The following CEP85L variants were observed in gnomAD, a reference collection of about 807,000 sequenced individuals.
The protein encoded by CEP85L is centrosomal protein of 85 kDa-like.
A neutral mutation model predicts 100.3 loss-of-function variants in CEP85L; 60 were observed. The ratio of observed to expected loss-of-function variants is 0.60; its 90% CI spans 0.49 to 0.74. The LOEUF is 0.74. CEP85L is among the 30% of genes least tolerant of loss of function. The probability of loss-of-function intolerance (pLI) is 0.00; values close to 1 mark genes in which losing one functional copy is unlikely to be tolerated. For synonymous variants in CEP85L, 319 were observed against 322.7 expected, an observed-to-expected ratio of 0.99 and a Z score of 0.12; for missense variants, 973 against 936.2, an observed-to-expected ratio of 1.04 and a Z score of -0.51.
chr6:118,533,892 C>G (rs1777435098), intron 3 of CEP85L, among the ~76,000 whole-genome samples: 1 of 152,048 alleles, frequency 6.6e-6, no homozygotes, highest in South Asian at 2.1e-4. Context: ...GCCAGCAGTT[C>G]AAGACCAACC....
Position 118,465,435 on chromosome 6 carries a change from C to T in CEP85L, c.2388G>A (p.Gln796=). 1 of 1,613,430 alleles carries T rather than the reference C, an allele frequency of 6.2e-7. No individual in the cohort carries two copies. The highest frequency in any genetic ancestry group is 1.1e-5 in the South Asian group (1 of 91,054). The change falls in exon 13 of 13, where the codon CAG becomes CAA. Residue 796 remains glutamine (Q), a synonymous_variant. Coordinates refer to ENST00000368491, the MANE Select transcript of CEP85L (RefSeq NM_001042475.3). ...LRTTISDRYA[Q]DMGDNCITQ is the part of the protein sequence containing the mutation. ...GAGTAATGCAGTTGTCTCCCATGTC[C>T]TGAGCATAGCGGTCTGATATTGTAG...
chr6:118,677,535 C>T (rs1364986286), intron 1 of CEP85L, among the ~76,000 whole-genome samples: 1 of 152,086 alleles, frequency 6.6e-6, no homozygotes, highest in East Asian at 1.9e-4. Flanking sequence ...CTGATGATTC[C>T]CAACCCTATA....
intron 3 of CEP85L, among the ~76,000 whole-genome samples, chr6:118,550,861 C>A (rs1267666303): frequency 6.6e-6 from 1 of 151,856 alleles, no homozygotes; most frequent in Non-Finnish European, 1.5e-5. Context: ...CATAGCATTA[C>A]ATTCTTAATA....
At chr6:118,597,889 G>A (rs1415843039) in intron 2 of CEP85L, among the ~76,000 whole-genome samples, 1 of 152,204 alleles carries the variant, frequency 6.6e-6, no homozygotes, top group Non-Finnish European at 1.5e-5. Flanking sequence ...CAGCCAAACT[G>A]AGGAAGGCTA....
chr6:118,565,555 G>C lies in CEP85L; in HGVS notation c.994C>G (p.Arg332Gly), dbSNP rs752545315. Residue 332 changes from arginine to glycine, a missense_variant, in exon 3 of 13, where the codon CGA (arginine) becomes GGA (glycine). By Grantham distance (125) the Arg-to-Gly change is moderately radical. Transcript: ENST00000368491. ...TGCATTGGTGTTTCACTTCCTTGTCGAAAGTCTTCAATTTGCTGCTGTTGC... is the reference window on the plus strand; with the variant it reads ...TGCATTGGTGTTTCACTTCCTTGTCCAAAGTCTTCAATTTGCTGCTGTTGC... The part of the protein sequence containing the change: ...PWQQQQIEDF[R>G]QGSETPMQVL... 20 of 1,614,128 alleles carry C rather than the reference G, an allele frequency of 1.2e-5. No individual in the cohort carries two copies. In the South Asian group the frequency reaches 1.9e-4, roughly 15 times the overall value.
intron 1 of CEP85L, among the ~76,000 whole-genome samples, chr6:118,669,560 C>T (rs1776232883): frequency 6.6e-6 from 1 of 152,102 alleles, no homozygotes; most frequent in South Asian, 2.1e-4. Context: ...TAAATAACCA[C>T]TAGGGTCTAT....
At position 118,707,449 on chromosome 6, in the gene CEP85L, C is replaced by T. The variant is rs540888702; in HGVS notation, c.-28+2587G>A. On this transcript the variant is annotated intron_variant, in intron 1 of 13. Transcript: ENST00000368488. ...GCTCAAGCAATCCTCCCGCCTCGGC[C>T]TCCCAAAGTGCTGGGATTATAGCCA... Among the ~76,000 whole-genome samples, 4 of 152,260 alleles carry T rather than the reference C, an allele frequency of 2.6e-5. No individual in the cohort carries two copies. The South Asian group carries it at 6.2e-4, about 24-fold the overall frequency.
At chr6:118,568,818 G>A (rs964639654) in intron 2 of CEP85L, among the ~76,000 whole-genome samples, 9 of 151,890 alleles carry the variant, frequency 5.9e-5, no homozygotes, top group Non-Finnish European at 8.8e-5. Context: ...CAGGACAGAC[G>A]TCCCCAAAAG....
intron 2 of CEP85L, among the ~76,000 whole-genome samples, chr6:118,604,172 AT>A (rs1028794094): frequency 3.0e-4 from 45 of 152,346 alleles, no homozygotes; most frequent in African/African-American, 1.1e-3. Flanking sequence ...GTTAAACCCA[AT>A]TCTTAATAAA....
intron 5 of CEP85L, among the ~76,000 whole-genome samples, chr6:118,494,691 C>T (rs1774807551): frequency 6.6e-6 from 1 of 152,176 alleles, no homozygotes; most frequent in African/African-American, 2.4e-5. Flanking sequence ...AATACTTCCC[C>T]TTCCCTGCAC....
intron 1 of CEP85L, among the ~76,000 whole-genome samples, chr6:118,659,037 C>T (rs1775885965): frequency 2.6e-5 from 4 of 152,088 alleles, no homozygotes; most frequent in Admixed American, 2.6e-4. Context: ...ACTTTTTTTA[C>T]AAGCAAGACT....
intron 1 of CEP85L, chr6:118,710,011 C>A (rs1454369073): frequency 1.3e-5 from 2 of 152,160 alleles, no homozygotes; most frequent in African/African-American, 2.4e-5. Context: ...AAGGAAAATG[C>A]TCCACAATTG....
intron 4 of CEP85L, among the ~76,000 whole-genome samples, chr6:118,515,183 A>T (rs1193441444): frequency 6.6e-6 from 1 of 152,200 alleles, no homozygotes; most frequent in Non-Finnish European, 1.5e-5. Context: ...AGATCAATTC[A>T]TTAAGACGTC....
At chr6:118,563,516 G>A (rs185697540) in intron 3 of CEP85L, among the ~76,000 whole-genome samples, 2 of 152,288 alleles carry the variant, frequency 1.3e-5, no homozygotes, top group Admixed American at 6.5e-5. Context: ...TTTAGGAGTT[G>A]TGCTTGCAAA....
At chr6:118,576,416 C>G (rs1780236937) in intron 2 of CEP85L, among the ~76,000 whole-genome samples, 2 of 152,252 alleles carry the variant, frequency 1.3e-5, no homozygotes, top group African/African-American at 4.8e-5. Context: ...GGCCCCACCT[C>G]TGGCAAAGTC....
At chr6:118,634,607 T>G (rs546617299) in intron 1 of CEP85L, among the ~76,000 whole-genome samples, 22 of 152,296 alleles carry the variant, frequency 1.4e-4, no homozygotes, top group African/African-American at 3.1e-4. Flanking sequence ...TCTAGACTTC[T>G]CTCAGAATGA....
chr6:118,489,770 G>C (rs903705083), intron 6 of CEP85L, among the ~76,000 whole-genome samples: 29 of 152,106 alleles, frequency 1.9e-4, no homozygotes, highest in African/African-American at 7.0e-4. Flanking sequence ...ACATGATCAA[G>C]CAATCCTACT....
intron 5 of CEP85L, among the ~76,000 whole-genome samples, chr6:118,505,852 A>C (rs557662593): frequency 6.6e-6 from 1 of 152,176 alleles, no homozygotes; most frequent in Admixed American, 6.5e-5. Flanking sequence ...AGATTGCACA[A>C]CACCAGGAGT....
intron 1 of CEP85L, among the ~76,000 whole-genome samples, chr6:118,639,508 T>C (rs752892396): frequency 8.5e-5 from 13 of 152,212 alleles, no homozygotes; most frequent in Non-Finnish European, 1.3e-4. Flanking sequence ...GACTCCAAGC[T>C]GTTTCACTTC....
Sources: allele counts gnomAD v4.1 joint callset (sites outside exome capture counted in the v4.1 genomes callset), GRCh38; gene constraint gnomAD v4.1.1; transcripts MANE v1.5; gene names NCBI Gene and HGNC (gene_info 2026-07-23, HGNC 2026-07-21).